Variants in ARAP3 observed in about 807,000 individuals in gnomAD.
ARAP3 encodes arf-GAP with Rho-GAP domain, ANK repeat and PH domain-containing protein 3.
Under a neutral mutation model 169.2 loss-of-function variants are expected in ARAP3, and 82 were observed. The observed-to-expected ratio is 0.48, with a 90% CI of 0.41 to 0.58. The LOEUF (loss-of-function observed/expected upper bound fraction) is 0.58, where lower values mean the gene tolerates loss of function less well. Among genes scored for constraint, ARAP3 ranks in the 20% least tolerant of loss-of-function variants. ARAP3 has a pLI of 0.00. For synonymous variants in ARAP3, 791 were observed against 800.3 expected (o/e 0.99, Z 0.20); for missense variants, 1,764 against 2,018.0 (o/e 0.87, Z 2.41).
intron 19 of ARAP3, among the ~76,000 whole-genome samples, chr5:141,662,784 G>C (rs1018564614): frequency 2.6e-5 from 4 of 152,176 alleles, no homozygotes; most frequent in African/African-American, 9.7e-5. Context: ...CCCAAGTATA[G>C]TGCTGAAATG....
chr5:141,670,826 C>T (rs1382698138), intron 13 of ARAP3, among the ~76,000 whole-genome samples, 198 bp from the exon 14 acceptor site: 1 of 152,180 alleles, frequency 6.6e-6, no homozygotes, highest in Non-Finnish European at 1.5e-5. Context: ...GACAGGGAGG[C>T]CTCTGGCCCA....
rs150020590 is a variant in ARAP3, at chr5:141,658,378, C to T, written c.3513G>A (p.Glu1171=). 3.1e-6 allele frequency: 5 copies of T among 1,613,188 alleles called. No individual in the cohort carries two copies. The African/African-American group carries it at 5.3e-5, about 17-fold the overall frequency. The change falls in exon 25 of 33, where the codon GAG becomes GAA. Residue 1171 remains glutamate (E), a synonymous_variant. Transcript: ENST00000239440. ...GGTCATACTCACCCAGCTCCCCATG[C>T]TCGCGAATCTCAAAAGTCACCCACA... ...MDLWVTFEIR[E]HGELERPLHP...
chr5:141,662,172 G>A lies in ARAP3; in HGVS notation c.2884C>T (p.Arg962Trp), dbSNP rs1159308682. The A allele has an allele frequency of 3.7e-6, 6 of 1,614,092 alleles. No homozygotes were observed. Among genetic ancestry groups the A allele is most frequent in the East Asian group, 4.5e-5 (2 of 44,896 alleles). The part of the protein sequence containing the change: ...RLLAEFRRDA[R>W]SVKLRPGEHF... ...TCCCCTGGTCGGAGCTTCACCGACCGGGCATCCCGACGGAACTCAGCCAGG... is the reference window on the plus strand; with the variant it reads ...TCCCCTGGTCGGAGCTTCACCGACCAGGCATCCCGACGGAACTCAGCCAGG... The change falls in exon 20 of 33, where the codon CGG becomes TGG. Residue 962 changes from arginine (R) to tryptophan (W), a missense_variant. Coordinates refer to ENST00000239440, the MANE Select transcript of ARAP3 (RefSeq NM_022481.6).
rs905208225 is a variant in ARAP3 at position 141,666,369 on chromosome 5, C to T, written c.2572+55G>A. 9.2e-6 allele frequency: 13 copies of T among 1,408,506 alleles called. No individual in the cohort carries two copies. The African/African-American group carries it at 1.8e-4, about 19-fold the overall frequency. 87.3% of individuals were successfully genotyped at this position (1,408,506 alleles called of 1,614,324 possible). A position where few individuals can be genotyped will look rare whatever the true frequency, so the allele number is the denominator to read the frequency against. Reference sequence around the variant, plus strand: ...ACCCCCAAATAATAAAGGTCTGCTTCCATGCACCCGCATGGCCACCCTTCA... The same window carrying T: ...ACCCCCAAATAATAAAGGTCTGCTTTCATGCACCCGCATGGCCACCCTTCA... On this transcript the variant is annotated intron_variant, in intron 17 of 32. Transcript: ENST00000239440.
chr5:141,672,167 CA>C lies in ARAP3; in HGVS notation c.1519del (p.Cys507ValfsTer38). On this transcript the variant is annotated frameshift_variant, in exon 10 of 33. Transcript: ENST00000239440. LOFTEE classifies it high-confidence loss of function. This position sits in a 1 kb window ranked among gnomAD's most constrained non-coding sequence, Gnocchi z 4.9. ...SNRANRQCAD[C>X]GSSRPDWAAV... ...AGCCCAATCTGGGCGGGAGGACCCACAGTCCGCACACTGCCGGTTGGCCCGA... is the reference window on the plus strand; with the variant it reads ...AGCCCAATCTGGGCGGGAGGACCCACGTCCGCACACTGCCGGTTGGCCCGA... 6.2e-7 allele frequency: 1 copy of C among 1,614,210 alleles called. No individual in the cohort carries two copies. Among genetic ancestry groups the C allele is most frequent in the Non-Finnish European group, 8.5e-7 (1 of 1,180,038 alleles).
Position 141,672,610 on chromosome 5 carries a change from T to C in ARAP3, c.1327A>G (p.Ser443Gly), listed in dbSNP as rs2099911597. The C allele has an allele frequency of 1.2e-6, 2 of 1,614,038 alleles. No homozygotes were observed. The highest frequency in any genetic ancestry group is 1.7e-6 in the Non-Finnish European group (2 of 1,179,926). ...GICFIELQGC[S>G]VRETKSRSFD... ...CTTCGACTCTTGGTCTCCCGGACGC[T>C]GCAGCCCTGCAGTTCGATGAAGCAG... The change falls in exon 9 of 33, where the codon AGC becomes GGC. Residue 443 changes from serine (S) to glycine (G), a missense_variant. Ser to Gly is a moderately conservative substitution (Grantham distance 56, BLOSUM62 0). Transcript: ENST00000239440. This position sits in a 1 kb window ranked among gnomAD's most constrained non-coding sequence, Gnocchi z 4.9.
At chr5:141,655,576 G>A (rs771830541) in intron 31 of ARAP3, 45 bp downstream of exon 31, 1 of 1,613,352 alleles carries the variant, frequency 6.2e-7, no homozygotes, top group South Asian at 1.1e-5. Flanking sequence ...ATGTGACAAG[G>A]GCTACACGAC....
At position 141,659,451 on chromosome 5, in the gene ARAP3, A is replaced by G. The variant is rs2099909657; in HGVS notation, c.3293T>C (p.Ile1098Thr). 4 of 1,614,234 alleles carry G rather than the reference A, an allele frequency of 2.5e-6. No individual in the cohort carries two copies. Among genetic ancestry groups the G allele is most frequent in the Non-Finnish European group, 3.4e-6 (4 of 1,180,040 alleles). Residue 1098 changes from isoleucine to threonine, a missense_variant, in exon 23 of 33, where the codon ATT (isoleucine) becomes ACT (threonine). Coordinates refer to ENST00000239440, the MANE Select transcript of ARAP3 (RefSeq NM_022481.6). The part of the protein sequence containing the change: ...FDIDSDQVAQ[I>T]DLEVSLITTW... ...GGTGATAAGACTGACCTCCAAGTCAATCTGAGCTACCTGGTCAGAATCGAT... is the reference window on the plus strand; with the variant it reads ...GGTGATAAGACTGACCTCCAAGTCAGTCTGAGCTACCTGGTCAGAATCGAT...
chr5:141,657,443 T>C (rs2099909407), intron 25 of ARAP3, among the ~76,000 whole-genome samples: 1 of 152,244 alleles, frequency 6.6e-6, no homozygotes, highest in Non-Finnish European at 1.5e-5. Context: ...TTAAGTTCAA[T>C]GGGAAGCCAC....
Position 141,680,285 on chromosome 5 carries a change from C to T in ARAP3, c.202G>A (p.Glu68Lys), listed in dbSNP as rs1190933864. 6.8e-6 allele frequency: 11 copies of T among 1,614,102 alleles called. No homozygotes were observed. In the African/African-American group the frequency reaches 1.2e-4, roughly 18 times the overall value. Residue 68 changes from glutamate (E) to lysine (K), a missense_variant, in exon 2 of 33, where the codon GAG (glutamate) becomes AAG (lysine). Transcript: ENST00000239440. ...ILRLLQTGTE[E>K]GSLDPKSDSA... ...TCTGATTTGGGATCCAGGGAGCCCT[C>T]TTCGGTGCCTGTCTGTAGCAGGCGT... is the stretch of plus-strand genomic sequence containing the variant.
chr5:141,678,554 T>A (rs1432692241), intron 4 of ARAP3, among the ~76,000 whole-genome samples: 1 of 151,940 alleles, frequency 6.6e-6, no homozygotes, highest in Non-Finnish European at 1.5e-5. Context: ...TTTTTTTTTT[T>A]CTTAGTCACT....
intron 23 of ARAP3, 145 bp downstream of exon 23, chr5:141,659,263 A>T: frequency 1.4e-6 from 1 of 719,722 alleles, no homozygotes; most frequent in South Asian, 1.7e-5. Flanking sequence ...CACTTCTCTC[A>T]TTGGGTTCCC....
rs754218763 is a variant in ARAP3, at chr5:141,672,548, C to T, written c.1385+4G>A. On this transcript the variant is annotated splice_donor_region_variant and intron_variant, in intron 9 of 32. Coordinates refer to ENST00000239440, the MANE Select transcript of ARAP3 (RefSeq NM_022481.6). The surrounding 1 kb of genome is among the most constrained non-coding windows in gnomAD (Gnocchi z 4.9). ...GCCTTGCCTCCCACTGGCCCAGGCC[C>T]CACCTGAAGCAGCGATGGGGTGTGA... The T allele has an allele frequency of 6.2e-7, 1 of 1,613,984 alleles. No individual in the cohort carries two copies. Among genetic ancestry groups the T allele is most frequent in the Admixed American group, 1.7e-5 (1 of 59,992 alleles).
At position 141,656,821 on chromosome 5, in the gene ARAP3, C is replaced by G; in HGVS notation, c.3552G>C (p.Lys1184Asn). ...ELERPLHPKEKVLEQALQWCQ... is the reference protein window; with the variant it reads ...ELERPLHPKENVLEQALQWCQ... The stretch of plus-strand genomic sequence containing the variant: ...ACCATTGTAAAGCCTGCTCTAAGAC[C>G]TTTTCCTTGGGATGCAGTGGCCGCT... The change falls in exon 26 of 33, where the codon AAG becomes AAC. Residue 1184 changes from lysine (K) to asparagine (N), a missense_variant. Physicochemically the swap from Lys to Asn is moderately conservative, Grantham distance 94 (BLOSUM62 0). This residue lies in a region of ARAP3 where 1,112 missense variants were observed against 1,285.7 expected (regional missense o/e 0.86). Coordinates refer to ENST00000239440, the MANE Select transcript of ARAP3 (RefSeq NM_022481.6). 6.2e-7 allele frequency: 1 copy of G among 1,613,308 alleles called. No individual in the cohort carries two copies. The highest frequency in any genetic ancestry group is 8.5e-7 in the Non-Finnish European group (1 of 1,179,682).
chr5:141,667,707 C>T (rs1167886452), intron 16 of ARAP3, among the ~76,000 whole-genome samples: 2 of 146,714 alleles, frequency 1.4e-5, no homozygotes, highest in Non-Finnish European at 3.0e-5. Context: ...GGATTAGAGG[C>T]ATGAGCCACC....
At chr5:141,661,871 C>T (rs1375263107) in intron 20 of ARAP3, 82 bp from the exon 21 acceptor site, 2 of 1,505,414 alleles carry the variant, frequency 1.3e-6, no homozygotes, top group Non-Finnish European at 9.2e-7. Flanking sequence ...TTTTTAGGCA[C>T]AAATGCAGGA....
In ARAP3 at chr5:141,673,445, C is replaced by G. The variant is rs372990734; in HGVS notation, c.928G>C (p.Val310Leu). Reference sequence around the variant, plus strand: ...ATCAGACTCCTCCCATTGAACTGCACAAAGCGTCTCTGGAAGACATAGTTT... The same window carrying G: ...ATCAGACTCCTCCCATTGAACTGCAGAAAGCGTCTCTGGAAGACATAGTTT... ...QGNYVFQRRF[V>L]QFNGRSLMYF... Residue 310 changes from valine (V) to leucine (L), a missense_variant, in exon 6 of 33, where the codon GTG (valine) becomes CTG (leucine). This residue lies in a region of ARAP3 where 630 missense variants were observed against 678.7 expected (regional missense o/e 0.93). Transcript: ENST00000239440. 9.9e-5 allele frequency: 160 copies of G among 1,614,054 alleles called. No homozygotes were observed. The highest frequency in any genetic ancestry group is 1.3e-4 in the Non-Finnish European group (156 of 1,180,040).
rs142810884 is a variant in ARAP3 at position 141,669,776 on chromosome 5, C to T, written c.2285G>A (p.Gly762Glu). 480 of 1,614,098 alleles carry T rather than the reference C, an allele frequency of 3.0e-4. No individual in the cohort carries two copies. In the Middle Eastern group the frequency reaches 0.012, roughly 39 times the overall value. ...ATCTGTGCCAAAATGCTGGATCCTC[C>T]CCCCAGCGAGGATGAGCTCAAAGGA... ...PFSFELILAG[G>E]RIQHFGTDGA... is the part of the protein sequence containing the mutation. The change falls in exon 16 of 33, where the codon GGG becomes GAG. Residue 762 changes from glycine to glutamate, a missense_variant. Transcript: ENST00000239440.
chr5:141,660,481 A>G (rs11167755), intron 21 of ARAP3, among the ~76,000 whole-genome samples: 105,370 of 147,100 alleles, frequency 0.72, 38,384 homozygotes, highest in African/African-American at 0.86. Context: ...GCCACAGAGC[A>G]AGACTCCGTC....
Sources: gnomAD v4.1 joint callset for allele counts (sites outside exome capture counted in the v4.1 genomes callset) on GRCh38, gnomAD v4.1.1 for gene constraint, gnomAD v4.1.1 regional missense constraint, Gnocchi (gnomAD v3.1) non-coding constraint, MANE v1.5 for transcripts, NCBI Gene and HGNC (gene_info 2026-07-23, HGNC 2026-07-21) for gene names.